Variants in CTNND2 observed in about 807,000 individuals in gnomAD.
The protein encoded by CTNND2 is catenin delta 2, also known as catenin delta-2.
A neutral mutation model predicts 144.4 loss-of-function variants in CTNND2; 22 were observed. The observed-to-expected ratio is 0.15, with a 90% CI of 0.11 to 0.22. The LOEUF (loss-of-function observed/expected upper bound fraction) is 0.22, where lower values mean the gene tolerates loss of function less well. Ranked by LOEUF, CTNND2 falls within the 10% of genes least tolerant of loss-of-function variation. The pLI, the probability that CTNND2 is intolerant of heterozygous loss-of-function variation, is 1.00. For missense variants in CTNND2, 1,353 were observed against 1,618.8 expected (o/e 0.84, Z 2.82); for synonymous variants, 751 against 695.6 (o/e 1.08, Z -1.25).
At chr5:11,753,635 T>C (rs1242328721) in intron 1 of CTNND2, among the ~76,000 whole-genome samples, 1 of 151,884 alleles carries the variant, frequency 6.6e-6, no homozygotes, top group Non-Finnish European at 1.5e-5. Flanking sequence ...AAGTTTTCTT[T>C]TTTTGTTGTG....
chr5:11,010,120 TA>T (rs1269937400), intron 18 of CTNND2, among the ~76,000 whole-genome samples: 1 of 152,246 alleles, frequency 6.6e-6, no homozygotes, highest in East Asian at 1.9e-4. Flanking sequence ...TGGGTTGTTT[TA>T]AAATCTGGCT....
chr5:11,002,046 C>T (rs1045930541), intron 18 of CTNND2, among the ~76,000 whole-genome samples: 2 of 152,200 alleles, frequency 1.3e-5, no homozygotes, highest in Non-Finnish European at 2.9e-5. Flanking sequence ...GCATTCAGTT[C>T]CCCACAAACA....
intron 2 of CTNND2, among the ~76,000 whole-genome samples, chr5:11,729,048 CT>C (rs939258422): frequency 4.7e-4 from 72 of 152,200 alleles, no homozygotes; most frequent in Admixed American, 3.6e-3. Flanking sequence ...ATGGAATCTG[CT>C]GCTTTTTGAT....
intron 14 of CTNND2, among the ~76,000 whole-genome samples, chr5:11,103,741 T>G (rs1011493915): frequency 1.3e-5 from 2 of 151,518 alleles, no homozygotes; most frequent in African/African-American, 2.4e-5. Context: ...AAAAAAAGAC[T>G]TTGTAAACAT....
At chr5:11,620,521 A>G (rs942943641) in intron 2 of CTNND2, among the ~76,000 whole-genome samples, 3 of 152,168 alleles carry the variant, frequency 2.0e-5, no homozygotes, top group Admixed American at 6.5e-5. Context: ...GCGCTTGCCC[A>G]CATTTCCCCT....
chr5:11,879,595 A>G (rs756529691), intron 1 of CTNND2, among the ~76,000 whole-genome samples: 3 of 151,964 alleles, frequency 2.0e-5, no homozygotes, highest in Non-Finnish European at 4.4e-5. Flanking sequence ...CCTATTCTGT[A>G]CCATTGATAA....
chr5:11,086,358 G>A (rs896797104), intron 15 of CTNND2, among the ~76,000 whole-genome samples: 2 of 152,070 alleles, frequency 1.3e-5, no homozygotes, highest in African/African-American at 4.8e-5. Flanking sequence ...CTGAGAAATG[G>A]ACACCACACC....
chr5:11,408,721 T>C (rs1561349471), intron 5 of CTNND2, among the ~76,000 whole-genome samples: 1 of 152,080 alleles, frequency 6.6e-6, no homozygotes, highest in Non-Finnish European at 1.5e-5. Context: ...AACTTCCCTA[T>C]TATAAACCAT....
chr5:11,629,799 T>C (rs1387111139), intron 2 of CTNND2, among the ~76,000 whole-genome samples: 4 of 152,050 alleles, frequency 2.6e-5, no homozygotes, highest in African/African-American at 9.7e-5. Context: ...GCCTCCCAAG[T>C]GCTGGAATTA....
intron 16 of CTNND2, among the ~76,000 whole-genome samples, chr5:11,027,831 T>A (rs570150211): frequency 3.5e-4 from 54 of 152,330 alleles, no homozygotes; most frequent in African/African-American, 1.3e-3. Flanking sequence ...AAGGCACTCC[T>A]TGCAGACCGC....
intron 9 of CTNND2, among the ~76,000 whole-genome samples, chr5:11,310,629 C>A (rs967054130): frequency 1.3e-5 from 2 of 151,790 alleles, no homozygotes; most frequent in African/African-American, 4.9e-5. Flanking sequence ...ATGGAAACAC[C>A]CCGAGGACCC....
chr5:11,227,531 A>G (rs899177569), intron 10 of CTNND2, among the ~76,000 whole-genome samples: 6 of 152,254 alleles, frequency 3.9e-5, no homozygotes, highest in Non-Finnish European at 8.8e-5. Flanking sequence ...ATTCAAAGGT[A>G]GTTGACTGAA....
intron 2 of CTNND2, among the ~76,000 whole-genome samples, chr5:11,698,256 T>C (rs1785227958): frequency 6.6e-6 from 1 of 152,086 alleles, no homozygotes; most frequent in Admixed American, 6.6e-5. Flanking sequence ...AGATAAATAA[T>C]TGTATTTCTT....
intron 1 of CTNND2, among the ~76,000 whole-genome samples, chr5:11,830,187 T>C (rs1055214647): frequency 1.3e-5 from 2 of 152,210 alleles, no homozygotes; most frequent in African/African-American, 2.4e-5. Flanking sequence ...TTGCCTCAGA[T>C]GAGACTTTGA....
At position 11,869,756 on chromosome 5, in the gene CTNND2, T is replaced by A. The variant is rs1034968311; in HGVS notation, c.37+34061A>T. 5.9e-5 allele frequency among the ~76,000 whole-genome samples: 9 copies of A among 152,224 alleles called. No homozygotes were observed. The South Asian group carries it at 1.9e-3, about 31-fold the overall frequency. ...TATGCTTTAATGCAATAAAAACAGA[T>A]CTATTTTTCAAAAGTATTTTGTCCA... On this transcript the variant is annotated intron_variant, in intron 1 of 21. Coordinates refer to ENST00000304623, the MANE Select transcript of CTNND2 (RefSeq NM_001332.4).
chr5:11,886,744 A>T (rs1337251270), intron 1 of CTNND2, among the ~76,000 whole-genome samples: 1 of 152,168 alleles, frequency 6.6e-6, no homozygotes, highest in Non-Finnish European at 1.5e-5. Context: ...TCAGATTATC[A>T]GTAAGATGAT....
chr5:11,275,463 AT>A (rs954087801), intron 9 of CTNND2, among the ~76,000 whole-genome samples: 1 of 152,162 alleles, frequency 6.6e-6, no homozygotes, highest in African/African-American at 2.4e-5. Context: ...CTGGGTTCAA[AT>A]TCTGCCCCGT....
intron 1 of CTNND2, among the ~76,000 whole-genome samples, chr5:11,785,916 C>T (rs1011532194): frequency 6.6e-6 from 1 of 152,368 alleles, no homozygotes; most frequent in Non-Finnish European, 1.5e-5. Flanking sequence ...ACAGACTCTT[C>T]ATGAGTCAGC....
chr5:11,416,872 C>T (rs1336020999), intron 3 of CTNND2, among the ~76,000 whole-genome samples: 3 of 152,052 alleles, frequency 2.0e-5, no homozygotes, highest in African/African-American at 7.2e-5. Context: ...AGACTATAGA[C>T]ATAATTTTGA....
Sources: gnomAD v4.1 joint callset for allele counts (sites outside exome capture counted in the v4.1 genomes callset) on GRCh38, gnomAD v4.1.1 for gene constraint, MANE v1.5 for transcripts, NCBI Gene and HGNC (gene_info 2026-07-23, HGNC 2026-07-21) for gene names.